The following ANKS1A variants were observed in gnomAD, a reference collection of about 807,000 sequenced individuals.
ANKS1A encodes the protein ankyrin repeat and SAM domain-containing protein 1A.
Under a neutral mutation model 120.3 loss-of-function variants are expected in ANKS1A, and 55 were observed. That is an observed-to-expected ratio of 0.46 (90% CI 0.37 to 0.57). The LOEUF (loss-of-function observed/expected upper bound fraction) is 0.57, where lower values mean the gene tolerates loss of function less well. Among genes scored for constraint, ANKS1A ranks in the 20% least tolerant of loss-of-function variants. The pLI is 0.00. For synonymous variants in ANKS1A, 590 were observed against 604.7 expected (o/e 0.98, Z 0.36); for missense variants, 1,123 against 1,480.3 (o/e 0.76, Z 3.96).
chr6:35,077,203 C>G (rs1777409296), intron 13 of ANKS1A, among the ~76,000 whole-genome samples: 1 of 152,162 alleles, frequency 6.6e-6, no homozygotes, highest in South Asian at 2.1e-4. Flanking sequence ...TTCAAGTAAG[C>G]AGAAACCCTT....
At chr6:35,047,380 C>T (rs912330616) in intron 11 of ANKS1A, among the ~76,000 whole-genome samples, 4 of 152,142 alleles carry the variant, frequency 2.6e-5, no homozygotes, top group Non-Finnish European at 4.4e-5. Context: ...CTGGTTTTAT[C>T]CACAGCCAGA....
chr6:34,891,505 G>A (rs1766822231), intron 1 of ANKS1A, among the ~76,000 whole-genome samples: 1 of 152,222 alleles, frequency 6.6e-6, no homozygotes, highest in South Asian at 2.1e-4. Context: ...GTTTGGAGAT[G>A]CCTCTGTCTT....
At chr6:35,059,844 G>A (rs1259647926) in intron 12 of ANKS1A, among the ~76,000 whole-genome samples, 4 of 152,128 alleles carry the variant, frequency 2.6e-5, no homozygotes, top group Non-Finnish European at 5.9e-5. Flanking sequence ...CCCCACCCCC[G>A]ACCTGTGGGC....
rs549151726 is a variant in ANKS1A, at chr6:35,080,950, TGGGCCGA to T, written c.2545-40_2545-34del. The T allele has an allele frequency of 3.3e-5, 52 of 1,592,898 alleles. No homozygotes were observed. The South Asian group carries it at 5.5e-4, about 17-fold the overall frequency. On this transcript the variant is annotated intron_variant, in intron 16 of 23. Coordinates refer to ENST00000360359, the MANE Select transcript of ANKS1A (RefSeq NM_015245.3). The stretch of plus-strand genomic sequence containing the variant: ...CTGGCTGATACCTGTAGTCGGGCAC[TGGGCCGA>T]GGGTTGCAAGTTCCACCTGGATTTT...
At chr6:34,934,693 C>T (rs1392229372) in intron 1 of ANKS1A, among the ~76,000 whole-genome samples, 2 of 152,212 alleles carry the variant, frequency 1.3e-5, no homozygotes, top group South Asian at 2.1e-4. Flanking sequence ...AAGTGGGCGT[C>T]GTGACAAGTT....
chr6:35,033,603 A>T (rs1288174222), intron 11 of ANKS1A, among the ~76,000 whole-genome samples: 1 of 152,210 alleles, frequency 6.6e-6, no homozygotes, highest in Non-Finnish European at 1.5e-5. Flanking sequence ...TGAAGGTTCA[A>T]TTAGATTTTG....
chr6:35,006,444 C>T (rs1773461511), intron 10 of ANKS1A, among the ~76,000 whole-genome samples: 1 of 151,978 alleles, frequency 6.6e-6, no homozygotes, highest in Non-Finnish European at 1.5e-5. Flanking sequence ...GTAATTATTC[C>T]TCATTGTATG....
chr6:34,972,656 C>T, intron 3 of ANKS1A: 1 of 984,304 alleles, frequency 1.0e-6, no homozygotes, highest in Non-Finnish European at 1.2e-6. Flanking sequence ...GTGTACTTTG[C>T]TGCCAGGAAT....
chr6:35,013,878 G>T (rs1013577362), intron 10 of ANKS1A, among the ~76,000 whole-genome samples: 2 of 152,206 alleles, frequency 1.3e-5, no homozygotes, highest in African/African-American at 4.8e-5. Flanking sequence ...GAAGTAGTTG[G>T]TCTCATCTGT....
At chr6:34,915,392 T>A (rs2127460694) in intron 1 of ANKS1A, among the ~76,000 whole-genome samples, 1 of 152,244 alleles carries the variant, frequency 6.6e-6, no homozygotes, top group East Asian at 1.9e-4. Context: ...CTATGTAGGT[T>A]TTTTGTTGTT....
rs1771984879 is a variant in ANKS1A at position 34,983,093 on chromosome 6, C to T, written c.809-20C>T. 6.8e-6 allele frequency: 11 copies of T among 1,608,538 alleles called. No individual in the cohort carries two copies. Among genetic ancestry groups the T allele is most frequent in the Non-Finnish European group, 7.7e-6 (9 of 1,175,300 alleles). On this transcript the variant is annotated intron_variant, in intron 5 of 23. Transcript: ENST00000360359. ...CTTGAAAATGCTCACTCCCCTGGTC[C>T]ACCTGGTGTGCCTTTCTAGGAACTG...
At chr6:34,970,825 C>T (rs950827123) in intron 3 of ANKS1A, among the ~76,000 whole-genome samples, 1 of 151,804 alleles carries the variant, frequency 6.6e-6, no homozygotes, top group Non-Finnish European at 1.5e-5. Context: ...GCCCCAACCC[C>T]CCAGGCCCCA....
intron 11 of ANKS1A, among the ~76,000 whole-genome samples, chr6:35,025,488 G>A (rs1246362336): frequency 1.3e-5 from 2 of 151,984 alleles, no homozygotes; most frequent in African/African-American, 4.8e-5. Context: ...TAACTGGACA[G>A]GTGCTGGAAA....
At chr6:35,038,943 T>C (rs577422784) in intron 11 of ANKS1A, among the ~76,000 whole-genome samples, 2 of 152,308 alleles carry the variant, frequency 1.3e-5, no homozygotes, top group Admixed American at 6.5e-5. Context: ...TCCTTTTTTT[T>C]AGTACCCCTC....
intron 11 of ANKS1A, among the ~76,000 whole-genome samples, chr6:35,021,982 T>C (rs1317525981): frequency 7.1e-6 from 1 of 140,450 alleles, no homozygotes; most frequent in Non-Finnish European, 1.6e-5. Context: ...TGAGACTCTG[T>C]CTAAAAAAAA....
rs758217108 is a variant in ANKS1A, at chr6:35,081,032, T to C, written c.2583T>C (p.Ser861=). ...TCTCCCAGACGTCATCCCCACTGAG[T>C]CAGAATGATTCCTGCACTGGGCGGT... The part of the protein sequence containing the change: ...DLLSQTSSPL[S]QNDSCTGRSA... Residue 861 remains serine, a synonymous_variant, in exon 17 of 24, where the codon AGT becomes AGC. Transcript: ENST00000360359. The C allele has an allele frequency of 7.1e-5, 114 of 1,613,862 alleles. No homozygotes were observed. Among genetic ancestry groups the C allele is most frequent in the Non-Finnish European group, 9.2e-5 (109 of 1,179,940 alleles).
At chr6:35,047,608 A>G (rs1775772107) in intron 11 of ANKS1A, among the ~76,000 whole-genome samples, 1 of 152,234 alleles carries the variant, frequency 6.6e-6, no homozygotes, top group African/African-American at 2.4e-5. Flanking sequence ...ACCCAAATAC[A>G]TAATCCTCAT....
In ANKS1A at chr6:35,060,195, G is replaced by C. The variant is rs748624248; in HGVS notation, c.2126G>C (p.Gly709Ala). 5 of 1,613,010 alleles carry C rather than the reference G, an allele frequency of 3.1e-6. No homozygotes were observed. Among genetic ancestry groups the C allele is most frequent in the Non-Finnish European group, 4.2e-6 (5 of 1,179,798 alleles). ...QSVGEWLESI[G>A]LQQYESKLLL... is the part of the protein sequence containing the mutation. The stretch of plus-strand genomic sequence containing the variant: ...GTCGGGGAGTGGCTGGAGTCGATTG[G>C]GCTGCAGCAGTATGAGAGCAAGTTG... Residue 709 changes from glycine (G) to alanine (A), a missense_variant, in exon 13 of 24, where the codon GGG (glycine) becomes GCG (alanine). This residue lies in a region of ANKS1A where 904 missense variants were observed against 1,130.4 expected (regional missense o/e 0.80). Transcript: ENST00000360359. This position sits in a 1 kb window ranked among gnomAD's most constrained non-coding sequence, Gnocchi z 4.5.
rs58271858 is a variant in ANKS1A at position 34,945,986 on chromosome 6, T to TA, written c.198-21253_198-21252insA. ...CTCTTTATTTTTATTTTTATTTATT[T>TA]TTTTTTTTTTTTGAGACAGAGTCTC... On this transcript the variant is annotated intron_variant, in intron 1 of 23. Transcript: ENST00000360359. 1.4e-3 allele frequency among the ~76,000 whole-genome samples: 170 copies of TA among 123,566 alleles called. 2 individuals are homozygous for TA. The highest frequency in any genetic ancestry group is 7.6e-3 in the East Asian group (17 of 2,248). The allele number at this position is 123,566 out of a possible 152,430, so 81.1% of individuals were successfully genotyped here.
Sources: allele counts gnomAD v4.1 joint callset (sites outside exome capture counted in the v4.1 genomes callset), GRCh38; gene constraint gnomAD v4.1.1; regional missense constraint gnomAD v4.1.1; non-coding constraint Gnocchi (gnomAD v3.1); transcripts MANE v1.5; gene names NCBI Gene and HGNC (gene_info 2026-07-23, HGNC 2026-07-21).